MAP1B: variants seen among roughly 807,000 people sequenced by gnomAD.
The protein encoded by MAP1B is microtubule associated protein 1B.
MAP1B carries 12 observed loss-of-function variants against 176.1 expected under a neutral mutation model. The observed-to-expected ratio is 0.07, with a 90% CI of 0.04 to 0.11. MAP1B has a LOEUF of 0.11. Ranked by LOEUF, MAP1B falls within the 10% of genes least tolerant of loss-of-function variation. The probability of loss-of-function intolerance (pLI) is 1.00; values close to 1 mark genes in which losing one functional copy is unlikely to be tolerated. For synonymous variants in MAP1B, 1,044 were observed against 1,135.0 expected, an observed-to-expected ratio of 0.92 and a Z score of 1.61; for missense variants, 2,523 against 2,990.5, an observed-to-expected ratio of 0.84 and a Z score of 3.65.
At chr5:72,178,683 T>C (rs1242302708) in intron 2 of MAP1B, among the ~76,000 whole-genome samples, 2 of 151,976 alleles carry the variant, frequency 1.3e-5, no homozygotes. Flanking sequence ...TCAACTACCA[T>C]TTCTATTTCC....
At chr5:72,173,521 A>G (rs1294655860) in intron 2 of MAP1B, among the ~76,000 whole-genome samples, 2 of 152,226 alleles carry the variant, frequency 1.3e-5, no homozygotes, top group Non-Finnish European at 2.9e-5. Flanking sequence ...TCTAGTCTCA[A>G]GAAAGTCAGG....
intron 2 of MAP1B, among the ~76,000 whole-genome samples, chr5:72,136,726 A>G (rs574326585): frequency 1.3e-5 from 2 of 152,074 alleles, no homozygotes; most frequent in Non-Finnish European, 2.9e-5. Flanking sequence ...TGTGTCCTTG[A>G]GTTGTTTTGT....
rs778663712 is a variant in MAP1B at position 72,205,572 on chromosome 5, GGAGAGAGTGA to G, written c.*347_*356del. 3 of 209,914 alleles carry G rather than the reference GGAGAGAGTGA, an allele frequency of 1.4e-5. No individual in the cohort carries two copies. The highest frequency in any genetic ancestry group is 5.4e-5 in the Admixed American group (1 of 18,664). The allele number at this position is 209,914 out of a possible 1,614,324, so 13.0% of individuals were successfully genotyped here. A position where few individuals can be genotyped will look rare whatever the true frequency, so the allele number is the denominator to read the frequency against. ...TTGTCTTAGAGAGAGAGAGAGCGCG[GGAGAGAGTGA>G]GAGAGAGTGAGAGCACAAAGATAAC... On this transcript the variant is annotated 3_prime_UTR_variant, in exon 7 of 7. Transcript: ENST00000296755.
chr5:72,195,024 G>A lies in MAP1B; in HGVS notation c.1669G>A (p.Val557Met), dbSNP rs374708245. 42 of 1,613,896 alleles carry A rather than the reference G, an allele frequency of 2.6e-5. No homozygotes were observed. Among genetic ancestry groups the A allele is most frequent in the East Asian group, 8.9e-5 (4 of 44,874 alleles). Residue 557 changes from valine (V) to methionine (M), a missense_variant, in exon 5 of 7, where the codon GTG becomes ATG. Around this residue, in one of 4 missense-constraint regions of MAP1B, gnomAD observed 1,925 missense variants for 2,126.0 expected, o/e 0.91. Coordinates refer to ENST00000296755, the MANE Select transcript of MAP1B (RefSeq NM_005909.5). Reference sequence around the variant, plus strand: ...CGCAAAACCACTTCCTAGCAAATCCGTGCGCAAGGAGTCAAAAGAAGAAAC... The same window carrying A: ...CGCAAAACCACTTCCTAGCAAATCCATGCGCAAGGAGTCAAAAGAAGAAAC... ...PAAKPLPSKS[V>M]RKESKEETPE...
intron 2 of MAP1B, among the ~76,000 whole-genome samples, chr5:72,116,671 A>C (rs79033279): frequency 6.6e-6 from 1 of 152,134 alleles, no homozygotes; most frequent in Non-Finnish European, 1.5e-5. Flanking sequence ...CCTGGAATAT[A>C]TTTCTCCAGA....
At position 72,198,800 on chromosome 5, in the gene MAP1B, C is replaced by T. The variant is rs746940889; in HGVS notation, c.5445C>T (p.His1815=). 3 of 1,614,244 alleles carry T rather than the reference C, an allele frequency of 1.9e-6. No homozygotes were observed. The South Asian group carries it at 3.3e-5, about 18-fold the overall frequency. The change falls in exon 5 of 7, where the codon CAC becomes CAT. Residue 1815 remains histidine, a synonymous_variant. Transcript: ENST00000296755. ...SAVKEKTATC[H]SSSSPPIDAA... is the part of the protein sequence containing the mutation. The stretch of plus-strand genomic sequence containing the variant: ...TCAAAGAGAAAACAGCAACTTGCCA[C>T]AGTTCCTCTTCTCCACCAATAGATG...
intron 2 of MAP1B, among the ~76,000 whole-genome samples, chr5:72,166,851 A>G (rs970007120): frequency 6.6e-6 from 1 of 152,148 alleles, no homozygotes; most frequent in Admixed American, 6.5e-5. Context: ...ATGGTGGAGG[A>G]AGGGAAGGGC....
In MAP1B at chr5:72,195,961, A is replaced by G. The variant is rs16876070; in HGVS notation, c.2606A>G (p.Glu869Gly). 1,512 of 1,614,242 alleles carry G rather than the reference A, an allele frequency of 9.4e-4. 21 individuals carry two copies. The African/African-American group carries it at 0.018, about 19-fold the overall frequency. The change falls in exon 5 of 7, where the codon GAA becomes GGA. Residue 869 changes from glutamate (E) to glycine (G), a missense_variant. Physicochemically the swap from Glu to Gly is moderately conservative, Grantham distance 98. Coordinates refer to ENST00000296755, the MANE Select transcript of MAP1B (RefSeq NM_005909.5). ...ATCGAAGACGAAGAGAAACTGAAGG[A>G]AACTGAGCCAGTCGAAGCCTACGTC... is the stretch of plus-strand genomic sequence containing the variant. ...ELIEDEEKLK[E>G]TEPVEAYVIQ...
chr5:72,164,481 T>C (rs1746390118), intron 2 of MAP1B, among the ~76,000 whole-genome samples: 1 of 152,234 alleles, frequency 6.6e-6, no homozygotes, highest in South Asian at 2.1e-4. Flanking sequence ...TCTGGGTCTC[T>C]TCTTACAGTT....
intron 4 of MAP1B, among the ~76,000 whole-genome samples, chr5:72,187,208 A>G (rs1403545902): frequency 6.6e-6 from 1 of 152,206 alleles, no homozygotes. Context: ...AACAGCCCAC[A>G]AAAGAGAGAG....
chr5:72,147,220 C>T (rs1256330704), intron 2 of MAP1B, among the ~76,000 whole-genome samples: 2 of 152,040 alleles, frequency 1.3e-5, no homozygotes, highest in African/African-American at 4.8e-5. Flanking sequence ...CCACTCACCT[C>T]GGCCTCCCAA....
intron 2 of MAP1B, among the ~76,000 whole-genome samples, chr5:72,177,839 T>C (rs1746681633): frequency 6.6e-6 from 1 of 152,196 alleles, no homozygotes; most frequent in African/African-American, 2.4e-5. Flanking sequence ...GGGTTAGAGG[T>C]TAGAGGTTTC....
chr5:72,158,964 G>T (rs767381691), intron 2 of MAP1B, among the ~76,000 whole-genome samples: 1 of 152,138 alleles, frequency 6.6e-6, no homozygotes, highest in African/African-American at 2.4e-5. Context: ...CACATGCCAG[G>T]CTTCTTACCT....
At chr5:72,167,021 T>C (rs1272468894) in intron 2 of MAP1B, among the ~76,000 whole-genome samples, 1 of 151,564 alleles carries the variant, frequency 6.6e-6, no homozygotes, top group Non-Finnish European at 1.5e-5. Flanking sequence ...TCCTTCTTTT[T>C]TTTTTTTTTT....
chr5:72,152,201 A>G (rs1260426845), intron 2 of MAP1B, among the ~76,000 whole-genome samples: 1 of 152,148 alleles, frequency 6.6e-6, no homozygotes, highest in Non-Finnish European at 1.5e-5. Context: ...AAATTATCCT[A>G]TCTATGGATA....
chr5:72,188,635 A>G (rs574953935), intron 4 of MAP1B, among the ~76,000 whole-genome samples: 7 of 152,308 alleles, frequency 4.6e-5, no homozygotes, highest in African/African-American at 7.2e-5. Flanking sequence ...GTTGTTATGA[A>G]TATTGCTGCT....
intron 6 of MAP1B, 85 bp downstream of exon 6, chr5:72,203,886 CAT>C (rs1747387042): frequency 7.9e-7 from 1 of 1,263,800 alleles, no homozygotes; most frequent in East Asian, 2.3e-5. Context: ...AGAGGCACCT[CAT>C]GTGGCTGATC....
At chr5:72,126,466 A>G (rs1745632812) in intron 2 of MAP1B, among the ~76,000 whole-genome samples, 2 of 152,118 alleles carry the variant, frequency 1.3e-5, no homozygotes, top group African/African-American at 4.8e-5. Flanking sequence ...AACTTGTTCA[A>G]TTTTGTCTAA....
chr5:72,113,413 A>G (rs1474707654), intron 1 of MAP1B, among the ~76,000 whole-genome samples: 1 of 152,240 alleles, frequency 6.6e-6, no homozygotes, highest in Non-Finnish European at 1.5e-5. Flanking sequence ...TTTAGAAATT[A>G]CTAAGTGGAT....
Sources: gnomAD v4.1 joint callset for allele counts (sites outside exome capture counted in the v4.1 genomes callset) on GRCh38, gnomAD v4.1.1 for gene constraint, gnomAD v4.1.1 regional missense constraint, MANE v1.5 for transcripts, NCBI Gene and HGNC (gene_info 2026-07-23, HGNC 2026-07-21) for gene names.